ZNF335: variants seen among roughly 807,000 people sequenced by gnomAD.
ZNF335 encodes zinc finger protein 335.
A neutral mutation model predicts 145.6 loss-of-function variants in ZNF335; 84 were observed. That is an observed-to-expected ratio of 0.58 (90% CI 0.48 to 0.69). The LOEUF (loss-of-function observed/expected upper bound fraction) is 0.69. Ranked by LOEUF, ZNF335 falls within the 30% of genes least tolerant of loss-of-function variation. The pLI is 0.00. For synonymous variants in ZNF335, 761 were observed against 717.0 expected, an observed-to-expected ratio of 1.06 and a Z score of -0.98; for missense variants, 1,865 against 1,809.7, an observed-to-expected ratio of 1.03 and a Z score of -0.55.
At chr20:45,971,842 C>G (rs899476895) in intron 1 of ZNF335, 2 of 976,226 alleles carry the variant, frequency 2.0e-6, no homozygotes, top group African/African-American at 1.8e-5. Flanking sequence ...GTGGTTCGCT[C>G]CCCCCCGGTT....
At chr20:45,960,992 C>G in intron 10 of ZNF335, 110 bp from the exon 11 acceptor site, 1 of 1,454,972 alleles carries the variant, frequency 6.9e-7, no homozygotes, top group Non-Finnish European at 9.4e-7. Flanking sequence ...CTGCCAAGGC[C>G]CCTTTCTCTT....
At chr20:45,957,802 C>T (rs1282414212) in intron 16 of ZNF335, 33 bp downstream of exon 16, 1 of 1,612,360 alleles carries the variant, frequency 6.2e-7, no homozygotes, top group Non-Finnish European at 8.5e-7. Context: ...AGGTCCTACC[C>T]TCCATGAGCT....
intron 18 of ZNF335, 90 bp from the exon 19 acceptor site, chr20:45,952,799 C>T: frequency 1.7e-6 from 2 of 1,200,972 alleles, no homozygotes; most frequent in Non-Finnish European, 2.4e-6. Flanking sequence ...GAGTGACTGT[C>T]ACCACAGATG....
chr20:45,949,576 T>C lies in ZNF335; in HGVS notation c.3670-8A>G. 1.3e-6 allele frequency: 2 copies of C among 1,556,536 alleles called. No homozygotes were observed. Among genetic ancestry groups the C allele is most frequent in the South Asian group, 1.1e-5 (1 of 88,596 alleles). On this transcript the variant is annotated splice_region_variant and splice_polypyrimidine_tract_variant and intron_variant, in intron 24 of 27. Transcript: ENST00000322927. Reference sequence around the variant, plus strand: ...GGAGATGATATACTGCACCTGTTGGTGGGGGGGGCGGGCATGGCGAGGCAG... The same window carrying C: ...GGAGATGATATACTGCACCTGTTGGCGGGGGGGGCGGGCATGGCGAGGCAG...
In ZNF335 at chr20:45,949,196, T is replaced by C. The variant is rs2083580665; in HGVS notation, c.3875A>G (p.Glu1292Gly). ...TGTGACAGCTGAGTGTGCTGCAGCCTCAAGTTGAGCCTGTGTGACAAGCTG... is the reference window on the plus strand; with the variant it reads ...TGTGACAGCTGAGTGTGCTGCAGCCCCAAGTTGAGCCTGTGTGACAAGCTG... ...GQQLVTQAQL[E>G]AAAHSAVTAV... Residue 1292 changes from glutamate (E) to glycine (G), a missense_variant, in exon 27 of 28, where the codon GAG (glutamate) becomes GGG (glycine). Transcript: ENST00000322927. 1.9e-6 allele frequency: 3 copies of C among 1,613,786 alleles called. No homozygotes were observed. Among genetic ancestry groups the C allele is most frequent in the Non-Finnish European group, 2.5e-6 (3 of 1,179,998 alleles).
chr20:45,971,527 C>T lies in ZNF335; in HGVS notation c.-50-67G>A, dbSNP rs975946725. On this transcript the variant is annotated intron_variant, in intron 1 of 27. Coordinates refer to ENST00000322927, the MANE Select transcript of ZNF335 (RefSeq NM_022095.4). ...TCCCCAGCCCCGGCAACCACGGCCA[C>T]CCATTTGCACCCCTGCGCCCATTTT... The T allele has an allele frequency of 1.6e-5, 24 of 1,500,212 alleles. No homozygotes were observed. The South Asian group carries it at 2.5e-4, about 16-fold the overall frequency. 92.9% of individuals were successfully genotyped at this position (1,500,212 alleles called of 1,614,324 possible). A position where few individuals can be genotyped will look rare whatever the true frequency, so the allele number is the denominator to read the frequency against.
intron 3 of ZNF335, chr20:45,968,969 C>T (rs775531763): frequency 4.2e-4 from 65 of 155,770 alleles, no homozygotes; most frequent in Non-Finnish European, 6.0e-4. Flanking sequence ...TCTGAGGTTA[C>T]AGTGCACTAT....
Position 45,967,997 on chromosome 20 carries a change from GA to G in ZNF335, c.550del (p.Ser184ProfsTer7), listed in dbSNP as rs1416680956. ...GGCTGCTAGGCTGTGGGCCAAGGTG[GA>G]ACTGGACATTGGTGATGTCATGGGG... ...GAPMTSPMSS[S>X]TLAHSLAAIE... is the part of the protein sequence containing the mutation. On this transcript the variant is annotated frameshift_variant, in exon 5 of 28. Coordinates refer to ENST00000322927, the MANE Select transcript of ZNF335 (RefSeq NM_022095.4). LOFTEE classifies it high-confidence loss of function. The G allele has an allele frequency of 6.2e-7, 1 of 1,612,526 alleles. No individual in the cohort carries two copies. Among genetic ancestry groups the G allele is most frequent in the East Asian group, 2.2e-5 (1 of 44,890 alleles).
rs186153188 is a variant in ZNF335, at chr20:45,955,313, T to G, written c.2443-1365A>C. ...TTGCAGTGAGCCGAGATCGCACCACTGCACTCCAGCTTGGGCAACAGAGCA... is the reference window on the plus strand; with the variant it reads ...TTGCAGTGAGCCGAGATCGCACCACGGCACTCCAGCTTGGGCAACAGAGCA... On this transcript the variant is annotated intron_variant, in intron 17 of 27. Transcript: ENST00000322927. 8.8e-4 allele frequency among the ~76,000 whole-genome samples: 108 copies of G among 123,094 alleles called. No individual in the cohort carries two copies. The East Asian group carries it at 0.026, about 29-fold the overall frequency. The allele number at this position is 123,094 out of a possible 152,430, so 80.8% of individuals were successfully genotyped here. A position where few individuals can be genotyped will look rare whatever the true frequency, so the allele number is the denominator to read the frequency against.
At position 45,971,576 on chromosome 20, in the gene ZNF335, G is replaced by A. The variant is rs1251108091; in HGVS notation, c.-50-116C>T. ...TTGCAGATGCGAAGATTGAGTCTCC[G>A]ACGGGGCGGAGCTTCCTGGTGTATT... On this transcript the variant is annotated intron_variant, in intron 1 of 27. Coordinates refer to ENST00000322927, the MANE Select transcript of ZNF335 (RefSeq NM_022095.4). The A allele has an allele frequency of 7.6e-6, 11 of 1,448,418 alleles. No homozygotes were observed. In the East Asian group the frequency reaches 1.8e-4, roughly 23 times the overall value. 89.7% of individuals were successfully genotyped at this position (1,448,418 alleles called of 1,614,324 possible).
chr20:45,952,868 C>T (rs1942201504), intron 18 of ZNF335, among the ~76,000 whole-genome samples, 159 bp from the exon 19 acceptor site: 1 of 152,200 alleles, frequency 6.6e-6, no homozygotes, highest in African/African-American at 2.4e-5. Context: ...CCAAATGACC[C>T]TCTACCATGT....
chr20:45,950,773 CTG>C (rs1375702019), intron 20 of ZNF335, among the ~76,000 whole-genome samples, 178 bp from the exon 21 acceptor site: 1 of 152,240 alleles, frequency 6.6e-6, no homozygotes, highest in African/African-American at 2.4e-5. Flanking sequence ...TCTGGTGCTG[CTG>C]TGTCCTAAGA....
chr20:45,960,311 G>T lies in ZNF335; in HGVS notation c.1917C>A (p.His639Gln). Residue 639 changes from histidine to glutamine, a missense_variant, in exon 14 of 28, where the codon CAC (histidine) becomes CAA (glutamine). His to Gln is a conservative substitution (Grantham distance 24). Transcript: ENST00000322927. ...GCTTGTCACTGACGTGGGACAACTGGTGGTTCAGCAGTGCCTTCTTGTCTT... is the reference window on the plus strand; with the variant it reads ...GCTTGTCACTGACGTGGGACAACTGTTGGTTCAGCAGTGCCTTCTTGTCTT... Reference protein sequence around the residue: ...VCEDKKALLNHQLSHVSDKPF... With the variant: ...VCEDKKALLNQQLSHVSDKPF... 1.2e-6 allele frequency: 2 copies of T among 1,614,208 alleles called. No individual in the cohort carries two copies. The highest frequency in any genetic ancestry group is 1.7e-6 in the Non-Finnish European group (2 of 1,180,014).
At position 45,949,175 on chromosome 20, in the gene ZNF335, A is replaced by G; in HGVS notation, c.3896T>C (p.Val1299Ala). 1.3e-5 allele frequency: 21 copies of G among 1,613,714 alleles called. No individual in the cohort carries two copies. Among genetic ancestry groups the G allele is most frequent in the Non-Finnish European group, 1.7e-5 (20 of 1,179,962 alleles). The change falls in exon 27 of 28, where the codon GTC (valine) becomes GCC (alanine). Residue 1299 changes from valine (V) to alanine (A), a missense_variant. By Grantham distance (64) the Val-to-Ala change is moderately conservative. Coordinates refer to ENST00000322927, the MANE Select transcript of ZNF335 (RefSeq NM_022095.4). ...CTCAGGATCCAGCTCCATACCTGTG[A>G]CAGCTGAGTGTGCTGCAGCCTCAAG... Reference protein sequence around the residue: ...AQLEAAAHSAVTAVADAAMAQ... With the variant: ...AQLEAAAHSAATAVADAAMAQ...
chr20:45,961,508 T>C (rs898739974), intron 10 of ZNF335: 7 of 144,522 alleles, frequency 4.8e-5, no homozygotes, highest in African/African-American at 1.8e-4. Context: ...TTTTTTTTCA[T>C]TTAAAAAAAA....
chr20:45,950,137 A>G lies in ZNF335; in HGVS notation c.3488-68T>C, dbSNP rs6065910. 0.93 allele frequency: 1,485,874 copies of G among 1,603,330 alleles called. 692,633 individuals are homozygous for G. The highest frequency in any genetic ancestry group is 0.95 in the Non-Finnish European group (1,117,993 of 1,174,308). On this transcript the variant is annotated intron_variant, in intron 22 of 27. Transcript: ENST00000322927. Reference sequence around the variant, plus strand: ...CCTGCAATGCCCCAGCTGCTACTGTACCCAGTGGTGCCTTTTGGGGCAGTG... The same window carrying G: ...CCTGCAATGCCCCAGCTGCTACTGTGCCCAGTGGTGCCTTTTGGGGCAGTG...
At chr20:45,949,462 C>T in intron 25 of ZNF335, 23 bp downstream of exon 25, 2 of 1,613,968 alleles carry the variant, frequency 1.2e-6, no homozygotes, top group Non-Finnish European at 1.7e-6. Context: ...CCACACAGCA[C>T]CCTCATCCCA....
intron 20 of ZNF335, among the ~76,000 whole-genome samples, chr20:45,951,164 T>G (rs2083624390): frequency 6.6e-6 from 1 of 152,238 alleles, no homozygotes; most frequent in Non-Finnish European, 1.5e-5. Flanking sequence ...AGTGCTGGGA[T>G]AAGAGGTGTG....
intron 24 of ZNF335, 71 bp downstream of exon 24, chr20:45,949,729 C>A (rs2083592832): frequency 6.4e-7 from 1 of 1,570,586 alleles, no homozygotes; most frequent in East Asian, 2.2e-5. Context: ...AAGTATCATT[C>A]CTCCCCAAGG....
Sources: allele counts gnomAD v4.1 joint callset (sites outside exome capture counted in the v4.1 genomes callset), GRCh38; gene constraint gnomAD v4.1.1; transcripts MANE v1.5; gene names NCBI Gene and HGNC (gene_info 2026-07-23, HGNC 2026-07-21).